The following GNAQ variants were observed in gnomAD, a reference collection of about 807,000 sequenced individuals.
GNAQ encodes guanine nucleotide-binding protein G(q) subunit alpha.
GNAQ carries 8 observed loss-of-function variants against 43.9 expected under a neutral mutation model. That is an observed-to-expected ratio of 0.18 (90% CI 0.11 to 0.33). The LOEUF is 0.33. GNAQ is among the 10% of genes least tolerant of loss of function. The probability of loss-of-function intolerance (pLI) is 1.00; values close to 1 mark genes in which losing one functional copy is unlikely to be tolerated. For missense variants in GNAQ, 158 were observed against 450.8 expected (o/e 0.35, Z 5.88); for synonymous variants, 155 against 170.7 (o/e 0.91, Z 0.71).
intron 2 of GNAQ, among the ~76,000 whole-genome samples, chr9:77,848,460 T>G (rs1048901782): frequency 6.6e-6 from 1 of 152,248 alleles, no homozygotes; most frequent in African/African-American, 2.4e-5. Flanking sequence ...ACCCCATTGC[T>G]GGCATCTCTG....
At position 77,721,260 on chromosome 9, in the gene GNAQ, T is replaced by C. The variant is rs1825306190; in HGVS notation, c.*63A>G. The C allele has an allele frequency of 2.9e-6, 3 of 1,026,882 alleles. No homozygotes were observed. The East Asian group carries it at 7.2e-5, about 24-fold the overall frequency. 63.6% of individuals were successfully genotyped at this position (1,026,882 alleles called of 1,614,324 possible). A position where few individuals can be genotyped will look rare whatever the true frequency, so the allele number is the denominator to read the frequency against. On this transcript the variant is annotated 3_prime_UTR_variant, in exon 7 of 7. Coordinates refer to ENST00000286548, the MANE Select transcript of GNAQ (RefSeq NM_002072.5). ...CAAATTGTTTTCCACAGAAATACAG[T>C]CCCTCTTGTGTATCTTCAATAGCCC... is the stretch of plus-strand genomic sequence containing the variant.
intron 1 of GNAQ, among the ~76,000 whole-genome samples, chr9:78,006,313 T>A (rs1336802116): frequency 1.3e-5 from 2 of 152,124 alleles, no homozygotes; most frequent in Non-Finnish European, 2.9e-5. Flanking sequence ...ATTATGTCAA[T>A]AAAAAAGAAG....
At chr9:77,999,092 C>CAAAA (rs56358201) in intron 1 of GNAQ, among the ~76,000 whole-genome samples, 4 of 52,566 alleles carry the variant, frequency 7.6e-5, no homozygotes, top group Non-Finnish European at 9.0e-5. Flanking sequence ...AACTCTGTCT[C>CAAAA]AAAAAAAAAA....
chr9:78,004,827 A>T (rs892444497), intron 1 of GNAQ, among the ~76,000 whole-genome samples: 6 of 152,056 alleles, frequency 3.9e-5, no homozygotes, highest in African/African-American at 1.4e-4. Context: ...AAAGCATCCT[A>T]GGGGTGGGAG....
intron 5 of GNAQ, among the ~76,000 whole-genome samples, chr9:77,779,597 A>G (rs1400211586): frequency 6.6e-6 from 1 of 151,296 alleles, no homozygotes; most frequent in Non-Finnish European, 1.5e-5. Context: ...GGAAATCAAC[A>G]GAAGAAAATG....
chr9:77,858,288 A>G (rs1434739155), intron 2 of GNAQ, among the ~76,000 whole-genome samples: 1 of 152,058 alleles, frequency 6.6e-6, no homozygotes, highest in Non-Finnish European at 1.5e-5. Context: ...TGACCACATA[A>G]CCTGGGAGAT....
intron 2 of GNAQ, among the ~76,000 whole-genome samples, chr9:77,901,168 T>C (rs1828609639): frequency 6.6e-6 from 1 of 152,184 alleles, no homozygotes; most frequent in South Asian, 2.1e-4. Flanking sequence ...TACCCGATAG[T>C]AGTACCACAC....
intron 5 of GNAQ, among the ~76,000 whole-genome samples, chr9:77,752,740 T>C (rs1374037423): frequency 6.6e-6 from 1 of 152,260 alleles, no homozygotes; most frequent in African/African-American, 2.4e-5. Context: ...TTATTCTGCA[T>C]GTAAATTTTA....
intron 5 of GNAQ, among the ~76,000 whole-genome samples, chr9:77,771,681 T>C (rs1826225235): frequency 1.3e-5 from 2 of 152,138 alleles, no homozygotes; most frequent in African/African-American, 4.8e-5. Context: ...TTGTTTAAGA[T>C]GGCCACAGAC....
intron 6 of GNAQ, among the ~76,000 whole-genome samples, chr9:77,724,518 T>C (rs1041360480): frequency 6.6e-6 from 1 of 152,126 alleles, no homozygotes; most frequent in Non-Finnish European, 1.5e-5. Context: ...ATCATCAATA[T>C]TCTTGTTACC....
At chr9:77,993,851 G>C (rs920042900) in intron 1 of GNAQ, among the ~76,000 whole-genome samples, 5 of 152,018 alleles carry the variant, frequency 3.3e-5, no homozygotes, top group Non-Finnish European at 5.9e-5. Context: ...ATATCATTTT[G>C]AAATGATTTA....
intron 2 of GNAQ, among the ~76,000 whole-genome samples, chr9:77,836,869 C>T (rs1473055464): frequency 6.6e-6 from 1 of 152,146 alleles, no homozygotes; most frequent in Admixed American, 6.5e-5. Context: ...ATATAACCAT[C>T]ATATACTGAA....
At chr9:77,804,972 T>C (rs1826803676) in intron 3 of GNAQ, among the ~76,000 whole-genome samples, 1 of 151,994 alleles carries the variant, frequency 6.6e-6, no homozygotes, top group African/African-American at 2.4e-5. Context: ...TCTGACACTA[T>C]CAAAAGCACT....
chr9:77,768,393 T>C (rs1278115915), intron 5 of GNAQ, among the ~76,000 whole-genome samples: 1 of 152,150 alleles, frequency 6.6e-6, no homozygotes, highest in African/African-American at 2.4e-5. Context: ...GCTCAATAAA[T>C]ATTTAGCCCT....
chr9:77,975,829 C>T (rs1823295002), intron 1 of GNAQ, among the ~76,000 whole-genome samples: 1 of 152,152 alleles, frequency 6.6e-6, no homozygotes, highest in Non-Finnish European at 1.5e-5. Context: ...AGCCACTGCG[C>T]TCAGCCCCGT....
intron 2 of GNAQ, among the ~76,000 whole-genome samples, chr9:77,903,659 A>T (rs575907355): frequency 6.6e-6 from 1 of 152,262 alleles, no homozygotes; most frequent in African/African-American, 2.4e-5. Flanking sequence ...GAGAAGCAAA[A>T]TAATTTCTGA....
chr9:77,726,708 A>G (rs1245826942), intron 6 of GNAQ, among the ~76,000 whole-genome samples: 1 of 152,170 alleles, frequency 6.6e-6, no homozygotes, highest in Non-Finnish European at 1.5e-5. Flanking sequence ...TCTATGGTAG[A>G]TACTTTTGGG....
At chr9:77,863,887 C>G (rs1258530167) in intron 2 of GNAQ, among the ~76,000 whole-genome samples, 1 of 152,114 alleles carries the variant, frequency 6.6e-6, no homozygotes, top group Non-Finnish European at 1.5e-5. Context: ...AGGGAAAGAC[C>G]TGCCGCCATG....
chr9:77,840,579 C>T lies in GNAQ; in HGVS notation c.322-24809G>A, dbSNP rs577933284. Among the ~76,000 whole-genome samples, 5 of 152,168 alleles carry T rather than the reference C, an allele frequency of 3.3e-5. No homozygotes were observed. The East Asian group carries it at 5.8e-4, about 18-fold the overall frequency. On this transcript the variant is annotated intron_variant, in intron 2 of 6. Coordinates refer to ENST00000286548, the MANE Select transcript of GNAQ (RefSeq NM_002072.5). The stretch of plus-strand genomic sequence containing the variant: ...CTGGAACTCCTGACCTCAGGTGAAC[C>T]GTTTGCCTCGGCCTCCCAAAGTGCT...
Sources: gnomAD v4.1 joint callset for allele counts (sites outside exome capture counted in the v4.1 genomes callset) on GRCh38, gnomAD v4.1.1 for gene constraint, MANE v1.5 for transcripts, NCBI Gene and HGNC (gene_info 2026-07-23, HGNC 2026-07-21) for gene names.